MGAM: variants seen among roughly 807,000 people sequenced by gnomAD.
MGAM encodes the protein maltase-glucoamylase, also known as alpha-1,4-glucosidase.
Under a neutral mutation model 358.8 loss-of-function variants are expected in MGAM, and 253 were observed. That is an observed-to-expected ratio of 0.71 (90% CI 0.64 to 0.78). MGAM has a LOEUF of 0.78. Ranked by LOEUF, MGAM falls within the 30% of genes least tolerant of loss-of-function variation. The pLI is 0.00. For missense variants in MGAM, 3,080 were observed against 3,432.6 expected (o/e 0.90, Z 2.57); for synonymous variants, 1,105 against 1,227.1 (o/e 0.90, Z 2.08).
upstream of MGAM, among the ~76,000 whole-genome samples, chr7:141,991,510 C>T (rs151119588): frequency 2.4e-3 from 357 of 151,710 alleles, 10 homozygotes; most frequent in East Asian, 0.062. Context: ...AATCTCGGCT[C>T]ACTGCACCCT....
chr7:142,044,491 C>A (rs1255275816), intron 21 of MGAM, among the ~76,000 whole-genome samples: 1 of 128,988 alleles, frequency 7.8e-6, no homozygotes, highest in East Asian at 2.2e-4. Flanking sequence ...ATATTATATA[C>A]ACTTACGATA....
At chr7:142,031,869 C>G (rs975938492) in intron 13 of MGAM, 76 bp downstream of exon 13, 1 of 1,019,678 alleles carries the variant, frequency 9.8e-7, no homozygotes, top group African/African-American at 1.6e-5. Flanking sequence ...CTTTGAGTCA[C>G]AGAGCATAGG....
chr7:142,001,633 C>T (rs1462762366), intron 1 of MGAM, among the ~76,000 whole-genome samples: 1 of 152,136 alleles, frequency 6.6e-6, no homozygotes, highest in African/African-American at 2.4e-5. Flanking sequence ...CTTTCTGCAC[C>T]TATGTCCCAG....
chr7:142,019,845 G>A (rs1453107489), intron 4 of MGAM, among the ~76,000 whole-genome samples: 1 of 152,156 alleles, frequency 6.6e-6, no homozygotes, highest in African/African-American at 2.4e-5. Context: ...GAGGTGGATA[G>A]ATCACCTGAG....
At chr7:142,078,161 C>G (rs1813902782) in intron 47 of MGAM, among the ~76,000 whole-genome samples, 157 bp from the exon 48 acceptor site, 1 of 146,174 alleles carries the variant, frequency 6.8e-6, no homozygotes, top group Non-Finnish European at 1.5e-5. Flanking sequence ...CTGTACAGTT[C>G]TCTTCTTATA....
At chr7:142,047,931 C>T (rs1379194921) in intron 22 of MGAM, 58 bp downstream of exon 22, 22 of 1,272,796 alleles carry the variant, frequency 1.7e-5, no homozygotes, top group Non-Finnish European at 2.5e-5. Context: ...ACTTATGGTC[C>T]TTCACTCCTG....
intron 27 of MGAM, 38 bp downstream of exon 27, chr7:142,054,946 C>T (rs1035057396): frequency 6.2e-7 from 1 of 1,603,354 alleles, no homozygotes; most frequent in Admixed American, 1.7e-5. Context: ...TTGATGGCTA[C>T]CTGCGCCTTC....
chr7:142,041,489 T>A (rs189648692), intron 21 of MGAM, among the ~76,000 whole-genome samples: 1 of 152,116 alleles, frequency 6.6e-6, no homozygotes, highest in Non-Finnish European at 1.5e-5. Flanking sequence ...ACCTTCAAGC[T>A]GTTCTGCACA....
Position 142,055,645 on chromosome 7 carries a change from T to A in MGAM, c.3402T>A (p.Phe1134Leu). ...TRLPSKYLYGFGETEHRSYRR... is the reference protein window; with the variant it reads ...TRLPSKYLYGLGETEHRSYRR... ...TTCCCTCCAAGTACCTCTATGGCTT[T>A]GGGGAAACTGAGCACAGGTCCTATA... Residue 1134 changes from phenylalanine (F) to leucine (L), a missense_variant, in exon 28 of 71, where the codon TTT becomes TTA. Physicochemically the swap from Phe to Leu is conservative, Grantham distance 22. Transcript: ENST00000475668. The A allele has an allele frequency of 1.9e-6, 3 of 1,613,932 alleles. No individual in the cohort carries two copies. Among genetic ancestry groups the A allele is most frequent in the Non-Finnish European group, 2.5e-6 (3 of 1,179,872 alleles).
chr7:142,011,064 C>T (rs999735691), intron 3 of MGAM, among the ~76,000 whole-genome samples: 1 of 152,112 alleles, frequency 6.6e-6, no homozygotes, highest in African/African-American at 2.4e-5. Flanking sequence ...GGGCAGGTTA[C>T]GTGCTTAAAG....
In MGAM at chr7:142,103,618, C is replaced by T. The variant is rs997780365; in HGVS notation, c.8184+179C>T. Reference sequence around the variant, plus strand: ...TGAATGAAAAATCATGGTTTATCATCATTTGGAATCCATGGCCTGGATTCT... The same window carrying T: ...TGAATGAAAAATCATGGTTTATCATTATTTGGAATCCATGGCCTGGATTCT... On this transcript the variant is annotated intron_variant, in intron 70 of 70. Coordinates refer to ENST00000475668, the MANE Select transcript of MGAM (RefSeq NM_001365693.1). Among the ~76,000 whole-genome samples the T allele has an allele frequency of 9.2e-5, 14 of 152,226 alleles. No homozygotes were observed. The South Asian group carries it at 1.9e-3, about 20-fold the overall frequency.
At position 142,005,642 on chromosome 7, in the gene MGAM, T is replaced by A. The variant is rs782627328; in HGVS notation, c.112T>A (p.Ser38Thr). The change falls in exon 2 of 71, where the codon TCA (serine) becomes ACA (threonine). Residue 38 changes from serine (S) to threonine (T), a missense_variant. Ser to Thr is a moderately conservative substitution (Grantham distance 58, BLOSUM62 1). Transcript: ENST00000475668. ...IVLIVLLAKE[S>T]LKSTAPDPGT... ...TCTAATTGTGCTTTTAGCCAAAGAGTCACTGAAATCAACAGGTAAGAAGTA... is the reference window on the plus strand; with the variant it reads ...TCTAATTGTGCTTTTAGCCAAAGAGACACTGAAATCAACAGGTAAGAAGTA... The A allele has an allele frequency of 1.2e-6, 2 of 1,600,550 alleles. No homozygotes were observed. Among genetic ancestry groups the A allele is most frequent in the South Asian group, 2.2e-5 (2 of 89,034 alleles).
At chr7:142,036,373 C>T (rs934620711) in intron 17 of MGAM, 88 bp downstream of exon 17, 20 of 978,860 alleles carry the variant, frequency 2.0e-5, no homozygotes, top group Non-Finnish European at 3.0e-5. Context: ...ATCTGCTGAA[C>T]CAACCTCTTA....
At chr7:142,070,563 G>A (rs372819696) in intron 43 of MGAM, among the ~76,000 whole-genome samples, 3 of 145,826 alleles carry the variant, frequency 2.1e-5, no homozygotes, top group East Asian at 2.0e-4. Flanking sequence ...GAGGCTATGC[G>A]GCTGACATCT....
rs763778875 is a variant in MGAM, at chr7:142,082,197, A to G, written c.6158A>G (p.Asp2053Gly). The G allele has an allele frequency of 2.6e-6, 4 of 1,554,430 alleles. 1 individual carries two copies. In the Admixed American group the frequency reaches 6.9e-5, roughly 27 times the overall value. The change falls in exon 51 of 71, where the codon GAC becomes GGC. Residue 2053 changes from aspartate (D) to glycine (G), a missense_variant. Physicochemically the swap from Asp to Gly is moderately conservative, Grantham distance 94. This residue lies in a region of MGAM where 932 missense variants were observed against 1,198.2 expected (regional missense o/e 0.78). Transcript: ENST00000475668. ...EWHTWGMFSR[D>G]QPPGYKKNSY... ...CACACTTGGGGGATGTTCTCCCGAG[A>G]CCAGCCCCCAGGGGTAAGGACAGAG...
Position 142,056,843 on chromosome 7 carries a change from G to A in MGAM, c.3594G>A (p.Gln1198=). Residue 1198 remains glutamine, a synonymous_variant, in exon 30 of 71, where the codon CAG becomes CAA. Coordinates refer to ENST00000475668, the MANE Select transcript of MGAM (RefSeq NM_001365693.1). The part of the protein sequence containing the change: ...LNSNAMDVTF[Q]PLPALTYRTT... ...CTTTATTTTCAGATGTGACGTTCCA[G>A]CCCCTGCCTGCCTTGACATACCGCA... The A allele has an allele frequency of 1.2e-6, 2 of 1,613,828 alleles. No homozygotes were observed. Among genetic ancestry groups the A allele is most frequent in the Non-Finnish European group, 1.7e-6 (2 of 1,179,824 alleles).
intron 68 of MGAM, 98 bp from the exon 69 acceptor site, chr7:142,102,532 C>A: frequency 8.6e-7 from 1 of 1,161,528 alleles, no homozygotes; most frequent in Non-Finnish European, 1.2e-6. Context: ...CTCTCTCAAA[C>A]AAGACAAGTA....
Position 142,081,294 on chromosome 7 carries a change from A to C in MGAM, c.6002+349A>C, listed in dbSNP as rs1814248254. On this transcript the variant is annotated intron_variant, in intron 50 of 70. Transcript: ENST00000475668. ...TATAGTATAAAAAGGAGATTGTGAT[A>C]GTGATAATTGCTGTGTAGCCAAAAG... Among the ~76,000 whole-genome samples the C allele has an allele frequency of 2.1e-5, 3 of 146,254 alleles. No homozygotes were observed. In the South Asian group the frequency reaches 6.6e-4, roughly 32 times the overall value.
At position 142,095,696 on chromosome 7, in the gene MGAM, G is replaced by A; in HGVS notation, c.7590G>A (p.Val2530=). Residue 2530 remains valine (V), a synonymous_variant, in exon 64 of 71, where the codon GTG becomes GTA. Coordinates refer to ENST00000475668, the MANE Select transcript of MGAM (RefSeq NM_001365693.1). ...HKAHTEGVTV[V]RPLLHEFVSD... ...CCCACACGGAGGGCGTCACTGTTGT[G>A]CGGCCTCTGCTCCATGAGTGAGTGT... is the stretch of plus-strand genomic sequence containing the variant. 4 of 1,613,974 alleles carry A rather than the reference G, an allele frequency of 2.5e-6. No individual in the cohort carries two copies. The highest frequency in any genetic ancestry group is 3.4e-6 in the Non-Finnish European group (4 of 1,179,878).
Sources: gnomAD v4.1 joint callset for allele counts (sites outside exome capture counted in the v4.1 genomes callset) on GRCh38, gnomAD v4.1.1 for gene constraint, gnomAD v4.1.1 regional missense constraint, MANE v1.5 for transcripts, NCBI Gene and HGNC (gene_info 2026-07-23, HGNC 2026-07-21) for gene names.